Variants in ARHGAP10 observed in about 807,000 individuals in gnomAD.
ARHGAP10 encodes the protein Rho GTPase activating protein 10.
Under a neutral mutation model 108.6 loss-of-function variants are expected in ARHGAP10, and 87 were observed. The ratio of observed to expected loss-of-function variants is 0.80; its 90% CI spans 0.67 to 0.96. The LOEUF is 0.96. ARHGAP10 is among the 40% of genes least tolerant of loss of function. The pLI is 0.00. For synonymous variants in ARHGAP10, 347 were observed against 341.1 expected, an observed-to-expected ratio of 1.02 and a Z score of -0.19; for missense variants, 939 against 954.5, an observed-to-expected ratio of 0.98 and a Z score of 0.21.
At chr4:148,053,917 C>T (rs767411305) in intron 20 of ARHGAP10, among the ~76,000 whole-genome samples, 4 of 152,076 alleles carry the variant, frequency 2.6e-5, no homozygotes, top group Non-Finnish European at 5.9e-5. Flanking sequence ...ATTTTTAAGT[C>T]AGAATGTTGA....
chr4:147,883,455 T>C (rs1735418059), intron 10 of ARHGAP10, among the ~76,000 whole-genome samples: 1 of 152,168 alleles, frequency 6.6e-6, no homozygotes, highest in African/African-American at 2.4e-5. Context: ...CACACACCCA[T>C]GGGTGGCATT....
intron 10 of ARHGAP10, among the ~76,000 whole-genome samples, chr4:147,884,896 T>C (rs554789078): frequency 6.6e-6 from 1 of 152,172 alleles, no homozygotes; most frequent in Admixed American, 6.5e-5. Flanking sequence ...GAGTGACAAT[T>C]ATATTTGTAT....
chr4:147,890,577 A>G (rs1231481669), intron 10 of ARHGAP10, among the ~76,000 whole-genome samples: 42 of 152,240 alleles, frequency 2.8e-4, no homozygotes, highest in Admixed American at 2.7e-3. Flanking sequence ...CTATAATCCC[A>G]GCACTTTGGG....
At chr4:147,967,807 C>CA (rs1231184960) in intron 18 of ARHGAP10, among the ~76,000 whole-genome samples, 1 of 151,958 alleles carries the variant, frequency 6.6e-6, no homozygotes, top group Non-Finnish European at 1.5e-5. Flanking sequence ...TTTTCAACCC[C>CA]AACAAATCAG....
rs1737331748 is a variant in ARHGAP10 at position 147,923,530 on chromosome 4, T to C, written c.1228+10391T>C. ...CTTCCATATGTGGATAATTTGAATA[T>C]TCACTTTAATTTTCTAGAGTATGGC... is the stretch of plus-strand genomic sequence containing the variant. On this transcript the variant is annotated intron_variant, in intron 13 of 22. Transcript: ENST00000336498. Among the ~76,000 whole-genome samples the C allele has an allele frequency of 2.6e-5, 4 of 152,260 alleles. No homozygotes were observed. The South Asian group carries it at 8.3e-4, about 31-fold the overall frequency.
chr4:147,785,877 A>G (rs1368029599), intron 1 of ARHGAP10, among the ~76,000 whole-genome samples: 1 of 152,164 alleles, frequency 6.6e-6, no homozygotes, highest in African/African-American at 2.4e-5. Context: ...TTTATCCTTT[A>G]GATAGGCAAA....
intron 12 of ARHGAP10, among the ~76,000 whole-genome samples, chr4:147,912,548 AATATATATATATAT>A (rs59663731): frequency 0.029 from 3,440 of 119,900 alleles, 130 homozygotes; most frequent in African/African-American, 0.032. Flanking sequence ...CAAACAAACA[AATATATATATATAT>A]ATATATATAT....
At chr4:147,899,876 GT>G (rs5862818) in intron 10 of ARHGAP10, among the ~76,000 whole-genome samples, 106,696 of 139,966 alleles carry the variant, frequency 0.76, 42,659 homozygotes, top group Non-Finnish European at 0.91. Flanking sequence ...TACGTGCTGG[GT>G]TTTTTTTTTT....
chr4:147,742,902 G>A lies in ARHGAP10; in HGVS notation c.154+10447G>A, dbSNP rs1394253695. ...GTTGAAATCTGATGTATTACTGAAAGCCTTTTTTTTTTTTTTAAAGTTTTG... is the reference window on the plus strand; with the variant it reads ...GTTGAAATCTGATGTATTACTGAAAACCTTTTTTTTTTTTTTAAAGTTTTG... On this transcript the variant is annotated intron_variant, in intron 1 of 22. Transcript: ENST00000336498. 1.0e-4 allele frequency among the ~76,000 whole-genome samples: 4 copies of A among 38,556 alleles called. No homozygotes were observed. The East Asian group carries it at 2.2e-3, about 21-fold the overall frequency. The allele number at this position is 38,556 out of a possible 152,430, so 25.3% of individuals were successfully genotyped here. A position where few individuals can be genotyped will look rare whatever the true frequency, so the allele number is the denominator to read the frequency against.
intron 16 of ARHGAP10, among the ~76,000 whole-genome samples, chr4:147,963,598 TG>T (rs902967177): frequency 4.6e-5 from 7 of 152,174 alleles, no homozygotes; most frequent in African/African-American, 1.7e-4. Flanking sequence ...TTCCAAAGTT[TG>T]GGGGTTAAGG....
chr4:148,007,454 T>C (rs1740995344), intron 18 of ARHGAP10, among the ~76,000 whole-genome samples: 1 of 152,184 alleles, frequency 6.6e-6, no homozygotes, highest in Admixed American at 6.5e-5. Flanking sequence ...GATTGCTCAG[T>C]AGCGAGAAGT....
intron 1 of ARHGAP10, among the ~76,000 whole-genome samples, chr4:147,806,205 G>A (rs555887722): frequency 6.6e-6 from 1 of 152,150 alleles, no homozygotes; most frequent in East Asian, 1.9e-4. Context: ...AGTCCAGGCG[G>A]CTTTCCAGGT....
intron 18 of ARHGAP10, among the ~76,000 whole-genome samples, chr4:148,020,659 A>C (rs747443927): frequency 1.1e-4 from 17 of 151,872 alleles, no homozygotes; most frequent in Non-Finnish European, 2.1e-4. Flanking sequence ...GTATTCTAAT[A>C]TATATACACC....
chr4:148,007,686 G>A (rs1560872200), intron 18 of ARHGAP10, among the ~76,000 whole-genome samples: 1 of 152,176 alleles, frequency 6.6e-6, no homozygotes, highest in Non-Finnish European at 1.5e-5. Flanking sequence ...CAATTCGGAA[G>A]GCTTTTCCCC....
At chr4:147,901,599 G>C (rs1430634496) in intron 10 of ARHGAP10, among the ~76,000 whole-genome samples, 8 of 152,190 alleles carry the variant, frequency 5.3e-5, no homozygotes, top group Admixed American at 5.2e-4. Flanking sequence ...GTTGTGCTTG[G>C]AGGCAAGACA....
chr4:147,982,205 C>T (rs946802589), intron 18 of ARHGAP10, among the ~76,000 whole-genome samples: 1 of 152,068 alleles, frequency 6.6e-6, no homozygotes, highest in South Asian at 2.1e-4. Flanking sequence ...AGTCAGCTGT[C>T]ATTCTGATGG....
chr4:147,966,891 A>G (rs759114321), intron 18 of ARHGAP10, 52 bp downstream of exon 18: 2 of 1,396,652 alleles, frequency 1.4e-6, no homozygotes, highest in Non-Finnish European at 1.9e-6. Flanking sequence ...GTCGCCATGT[A>G]CTACACAACG....
chr4:148,054,404 A>G (rs1455718244), intron 20 of ARHGAP10, among the ~76,000 whole-genome samples: 1 of 152,250 alleles, frequency 6.6e-6, no homozygotes, highest in Non-Finnish European at 1.5e-5. Context: ...CAGATACCAC[A>G]TGTAATAAAA....
At chr4:147,993,063 C>A (rs1740340075) in intron 18 of ARHGAP10, among the ~76,000 whole-genome samples, 1 of 152,220 alleles carries the variant, frequency 6.6e-6, no homozygotes, top group Non-Finnish European at 1.5e-5. Flanking sequence ...CCTATGCATA[C>A]CTAATTCATA....
Sources: gnomAD v4.1 joint callset for allele counts (sites outside exome capture counted in the v4.1 genomes callset) on GRCh38, gnomAD v4.1.1 for gene constraint, MANE v1.5 for transcripts, NCBI Gene and HGNC (gene_info 2026-07-23, HGNC 2026-07-21) for gene names.